PTPRT: variants seen among roughly 807,000 people sequenced by gnomAD.
The protein encoded by PTPRT is protein tyrosine phosphatase receptor type T, also known as receptor-type tyrosine-protein phosphatase T.
In PTPRT, 56 loss-of-function variants were observed where a neutral mutation model predicts 176.8. The ratio of observed to expected loss-of-function variants is 0.32; its 90% CI spans 0.26 to 0.40. The LOEUF is 0.40. Among genes scored for constraint, PTPRT ranks in the 10% least tolerant of loss-of-function variants. The pLI, the probability that PTPRT is intolerant of heterozygous loss-of-function variation, is 1.00. For missense variants in PTPRT, 1,540 were observed against 1,908.2 expected (o/e 0.81, Z 3.60); for synonymous variants, 783 against 739.0 (o/e 1.06, Z -0.96).
intron 1 of PTPRT, among the ~76,000 whole-genome samples, chr20:42,973,717 GT>G (rs1192545353): frequency 4.6e-5 from 7 of 152,234 alleles, no homozygotes; most frequent in African/African-American, 1.4e-4. Flanking sequence ...CAAAGAGTAT[GT>G]TTCTGGTTTG....
chr20:42,190,792 A>G (rs1305565102), intron 16 of PTPRT, among the ~76,000 whole-genome samples: 1 of 152,166 alleles, frequency 6.6e-6, no homozygotes, highest in East Asian at 1.9e-4. Context: ...TTCCTTGTCT[A>G]TGAAATGGGA....
intron 16 of PTPRT, among the ~76,000 whole-genome samples, chr20:42,167,369 T>C (rs144409398): frequency 5.3e-4 from 80 of 152,308 alleles, no homozygotes; most frequent in Middle Eastern, 6.8e-3. Context: ...CAGGTCTTCA[T>C]GACAGGACTA....
At chr20:42,759,541 A>T (rs914542393) in intron 5 of PTPRT, among the ~76,000 whole-genome samples, 2 of 152,192 alleles carry the variant, frequency 1.3e-5, no homozygotes, top group East Asian at 3.9e-4. Flanking sequence ...TTAGGATGTC[A>T]GGAAGATGGA....
chr20:42,691,742 T>C (rs2075797392), intron 6 of PTPRT, among the ~76,000 whole-genome samples: 1 of 152,116 alleles, frequency 6.6e-6, no homozygotes, highest in Admixed American at 6.5e-5. Context: ...AACACAATTC[T>C]GCAAGGTCCC....
chr20:43,063,089 G>A (rs951163804), intron 1 of PTPRT, among the ~76,000 whole-genome samples: 2 of 152,034 alleles, frequency 1.3e-5, no homozygotes, highest in Non-Finnish European at 2.9e-5. Flanking sequence ...CAAAGCTCAA[G>A]CAAAGGTGAA....
chr20:43,030,233 T>C (rs920433577), intron 1 of PTPRT, among the ~76,000 whole-genome samples: 2 of 152,204 alleles, frequency 1.3e-5, no homozygotes, highest in Non-Finnish European at 2.9e-5. Flanking sequence ...AAGACCCAGA[T>C]GTTGCACAAA....
At chr20:42,213,530 T>C (rs923054206) in intron 15 of PTPRT, among the ~76,000 whole-genome samples, 1 of 152,218 alleles carries the variant, frequency 6.6e-6, no homozygotes, top group Non-Finnish European at 1.5e-5. Flanking sequence ...TCCTAATCCA[T>C]AGTACCTGTC....
At chr20:42,963,425 T>TA (rs943710798) in intron 1 of PTPRT, among the ~76,000 whole-genome samples, 2 of 150,530 alleles carry the variant, frequency 1.3e-5, no homozygotes, top group Non-Finnish European at 3.0e-5. Context: ...AAATAAAAAA[T>TA]AAAAAAATAA....
chr20:42,410,566 A>T (rs566889751), intron 9 of PTPRT, among the ~76,000 whole-genome samples: 1 of 152,274 alleles, frequency 6.6e-6, no homozygotes, highest in African/African-American at 2.4e-5. Context: ...CAAAACTTCA[A>T]CCACTTGACC....
chr20:43,111,279 C>T (rs1271453765), intron 1 of PTPRT, among the ~76,000 whole-genome samples: 6 of 152,110 alleles, frequency 3.9e-5, no homozygotes, highest in African/African-American at 1.4e-4. Flanking sequence ...GTGGCTCACG[C>T]CTGTAATCCA....
intron 1 of PTPRT, among the ~76,000 whole-genome samples, chr20:43,065,511 A>T (rs569606415): frequency 1.3e-5 from 2 of 152,322 alleles, no homozygotes; most frequent in South Asian, 4.1e-4. Flanking sequence ...ACTGTATGTG[A>T]CCCAGTGGGG....
At chr20:42,372,711 C>T (rs769858961) in intron 9 of PTPRT, among the ~76,000 whole-genome samples, 1 of 152,094 alleles carries the variant, frequency 6.6e-6, no homozygotes, top group African/African-American at 2.4e-5. Context: ...AAAGGTGGGA[C>T]CTTTGGGAGG....
rs1378101348 is a variant in PTPRT, at chr20:43,135,583, T to C, written c.88+54063A>G. Among the ~76,000 whole-genome samples, 15 of 152,164 alleles carry C rather than the reference T, an allele frequency of 9.9e-5. 2 individuals carry two copies. The highest frequency in any genetic ancestry group is 9.2e-4 in the Admixed American group (14 of 15,278). ...GTGAACATTTACCTCCTATTCAATG[T>C]AGACAAACAAATAAAATAAAAACTA... On this transcript the variant is annotated intron_variant, in intron 1 of 30. Transcript: ENST00000373187.
At chr20:42,668,696 C>CTG (rs565939755) in intron 7 of PTPRT, among the ~76,000 whole-genome samples, 1 of 141,012 alleles carries the variant, frequency 7.1e-6, no homozygotes, top group Non-Finnish European at 1.5e-5. Context: ...GCGGATAATT[C>CTG]TTTTTTTTTT....
chr20:42,035,576 AGTCCTGTCTCT>A, the PTPRT span, among the ~76,000 whole-genome samples: 1 of 152,122 alleles, frequency 6.6e-6, no homozygotes, highest in African/African-American at 2.4e-5. Flanking sequence ...TCAGTTTATC[AGTCCTGTCTCT>A]GACACAGCCC....
intron 1 of PTPRT, among the ~76,000 whole-genome samples, chr20:43,001,891 C>CA (rs1343782985): frequency 2.0e-5 from 3 of 149,146 alleles, no homozygotes; most frequent in South Asian, 2.1e-4. Flanking sequence ...AAAAAACAAA[C>CA]AAAAAAAACC....
At chr20:42,574,295 T>C (rs6102912) in intron 7 of PTPRT, among the ~76,000 whole-genome samples, 73,175 of 151,872 alleles carry the variant, frequency 0.48, 17,890 homozygotes, top group East Asian at 0.63. Context: ...CAATCATGTG[T>C]TCAATCAAAA....
rs6102759 is a variant in PTPRT, at chr20:42,290,469, A to G, written c.2140-7944T>C. Among the ~76,000 whole-genome samples, 1,323 of 152,000 alleles carry G rather than the reference A, an allele frequency of 8.7e-3. 20 individuals are homozygous for G. Among genetic ancestry groups the G allele is most frequent in the African/African-American group, 0.031 (1,270 of 41,476 alleles). Reference sequence around the variant, plus strand: ...TGTGGCTCAATTTCCCCATCAATCAAATGATGGAGAATGGGGTAGAAAAGG... The same window carrying G: ...TGTGGCTCAATTTCCCCATCAATCAGATGATGGAGAATGGGGTAGAAAAGG... On this transcript the variant is annotated intron_variant, in intron 12 of 30. Transcript: ENST00000373187.
chr20:42,789,773 T>C (rs575678129), intron 3 of PTPRT, among the ~76,000 whole-genome samples: 1 of 152,212 alleles, frequency 6.6e-6, no homozygotes, highest in South Asian at 2.1e-4. Context: ...AGTCTAAATA[T>C]TGAGGGTAAT....
Sources: gnomAD v4.1 joint callset for allele counts (sites outside exome capture counted in the v4.1 genomes callset) on GRCh38, gnomAD v4.1.1 for gene constraint, MANE v1.5 for transcripts, NCBI Gene and HGNC (gene_info 2026-07-23, HGNC 2026-07-21) for gene names.